The following NDRG3 variants were observed in gnomAD, a reference collection of about 807,000 sequenced individuals.
The protein encoded by NDRG3 is protein NDRG3.
In NDRG3, 23 loss-of-function variants were observed where a neutral mutation model predicts 57.2. That is an observed-to-expected ratio of 0.40 (90% CI 0.29 to 0.57). NDRG3 has a LOEUF of 0.57. NDRG3 is among the 20% of genes least tolerant of loss of function. NDRG3 has a pLI of 0.42. For synonymous variants in NDRG3, 132 were observed against 162.6 expected (o/e 0.81, Z 1.43); for missense variants, 384 against 457.3 (o/e 0.84, Z 1.46).
At chr20:36,697,418 T>C (rs1982883801) in intron 3 of NDRG3, among the ~76,000 whole-genome samples, 1 of 151,998 alleles carries the variant, frequency 6.6e-6, no homozygotes. Context: ...CATTAAAATC[T>C]GTTCAGGGCC....
At chr20:36,702,357 C>T (rs543723410) in intron 3 of NDRG3, among the ~76,000 whole-genome samples, 9 of 152,152 alleles carry the variant, frequency 5.9e-5, no homozygotes, top group African/African-American at 1.7e-4. Context: ...AGGATGGTCT[C>T]GATCTCCTGA....
chr20:36,699,483 C>T (rs1983063728), intron 3 of NDRG3, among the ~76,000 whole-genome samples: 1 of 152,132 alleles, frequency 6.6e-6, no homozygotes, highest in Non-Finnish European at 1.5e-5. Context: ...TTAAAGAGAG[C>T]GTCCGACAAC....
At chr20:36,660,612 G>C (rs1345452795) in intron 12 of NDRG3, among the ~76,000 whole-genome samples, 2 of 150,940 alleles carry the variant, frequency 1.3e-5, no homozygotes, top group Non-Finnish European at 2.9e-5. Context: ...CCAGGCTGGA[G>C]TGCAGTGGCG....
At chr20:36,656,573 T>A in intron 13 of NDRG3, 41 bp from the exon 14 acceptor site, 2 of 1,611,254 alleles carry the variant, frequency 1.2e-6, no homozygotes, top group Non-Finnish European at 1.7e-6. Flanking sequence ...GGACTTACCC[T>A]TAAGAGAATT....
intron 3 of NDRG3, among the ~76,000 whole-genome samples, chr20:36,699,164 T>A (rs2148152666): frequency 6.6e-6 from 1 of 152,230 alleles, no homozygotes; most frequent in South Asian, 2.1e-4. Flanking sequence ...CCCAGGCTGG[T>A]CTTGAATTCC....
chr20:36,656,118 G>A (rs1449294992), intron 15 of NDRG3, among the ~76,000 whole-genome samples: 2 of 136,360 alleles, frequency 1.5e-5, no homozygotes, highest in Non-Finnish European at 3.1e-5. Context: ...TGGCAACAGA[G>A]TGAGACTCTG....
chr20:36,740,867 T>C (rs937912836), intron 1 of NDRG3, among the ~76,000 whole-genome samples: 5 of 152,228 alleles, frequency 3.3e-5, no homozygotes, highest in East Asian at 1.9e-4. Flanking sequence ...ATTAGTTTTA[T>C]AGAATTAGCA....
chr20:36,687,355 T>A (rs1398872216), intron 5 of NDRG3, 137 bp downstream of exon 5: 4 of 1,085,816 alleles, frequency 3.7e-6, no homozygotes, highest in Admixed American at 2.6e-5. Context: ...AGAGAAAATA[T>A]GAGGATGGTT....
chr20:36,704,655 A>G (rs1983439589), intron 3 of NDRG3, among the ~76,000 whole-genome samples: 1 of 152,208 alleles, frequency 6.6e-6, no homozygotes, highest in East Asian at 1.9e-4. Flanking sequence ...TATTTATTAA[A>G]AAATAACGTA....
chr20:36,685,941 T>C (rs966505407), intron 5 of NDRG3, among the ~76,000 whole-genome samples: 3 of 152,088 alleles, frequency 2.0e-5, no homozygotes, highest in South Asian at 2.1e-4. Flanking sequence ...GCCCAGGAGG[T>C]TGAGGCTGCA....
At chr20:36,704,820 C>T (rs1236426495) in intron 3 of NDRG3, among the ~76,000 whole-genome samples, 1 of 152,152 alleles carries the variant, frequency 6.6e-6, no homozygotes, top group Non-Finnish European at 1.5e-5. Flanking sequence ...GAGCCTGACC[C>T]TTCCAAGGTG....
chr20:36,712,559 C>CTATATA lies in NDRG3; in HGVS notation c.58-5558_58-5553dup, dbSNP rs1201319236. On this transcript the variant is annotated intron_variant, in intron 2 of 15. Transcript: ENST00000349004. Reference sequence around the variant, plus strand: ...TACTGGCATGTGCCACCATGCCCGGCTATATATATATATATATATATATAT... The same window carrying CTATATA: ...TACTGGCATGTGCCACCATGCCCGGCTATATATATATATATATATATATATATATAT... Among the ~76,000 whole-genome samples the CTATATA allele has an allele frequency of 4.1e-3, 86 of 20,724 alleles. 6 individuals are homozygous for CTATATA. The highest frequency in any genetic ancestry group is 0.011 in the East Asian group (5 of 452). The allele number at this position is 20,724 out of a possible 152,430, so 13.6% of individuals were successfully genotyped here.
At chr20:36,694,898 T>C (rs575376921) in intron 3 of NDRG3, among the ~76,000 whole-genome samples, 2 of 152,036 alleles carry the variant, frequency 1.3e-5, no homozygotes, top group Non-Finnish European at 2.9e-5. Context: ...GCTGGGACCA[T>C]AGATGCATGC....
chr20:36,739,273 C>G (rs1200951774), intron 1 of NDRG3, among the ~76,000 whole-genome samples: 2 of 147,876 alleles, frequency 1.4e-5, no homozygotes, highest in East Asian at 2.0e-4. Flanking sequence ...ATGGTGAAAC[C>G]TCGTCTCTAC....
chr20:36,724,624 T>C (rs764172066), intron 1 of NDRG3, among the ~76,000 whole-genome samples: 1 of 152,210 alleles, frequency 6.6e-6, no homozygotes, highest in Non-Finnish European at 1.5e-5. Flanking sequence ...TTATTTTAAA[T>C]GGCAATTTAA....
intron 1 of NDRG3, among the ~76,000 whole-genome samples, chr20:36,733,736 C>T (rs6101995): frequency 0.13 from 18,963 of 151,554 alleles, 1,325 homozygotes; most frequent in Admixed American, 0.24. Flanking sequence ...CACAGAATGA[C>T]GGCAACAAAC....
intron 3 of NDRG3, among the ~76,000 whole-genome samples, chr20:36,700,137 A>C (rs936349092): frequency 4.0e-5 from 6 of 150,388 alleles, no homozygotes; most frequent in Admixed American, 6.6e-5. Context: ...AAAAAAAAGT[A>C]GATGAAGGAA....
chr20:36,705,033 A>G (rs1380421547), intron 3 of NDRG3, among the ~76,000 whole-genome samples: 2 of 152,142 alleles, frequency 1.3e-5, no homozygotes, highest in African/African-American at 4.8e-5. Flanking sequence ...AAGAAAAACC[A>G]TCTTGGCCAG....
At position 36,665,148 on chromosome 20, in the gene NDRG3, C is replaced by T. The variant is rs867224306; in HGVS notation, c.759-51G>A. The T allele has an allele frequency of 6.8e-6, 11 of 1,609,390 alleles. No individual in the cohort carries two copies. The Middle Eastern group carries it at 1.5e-3, about 218-fold the overall frequency. ...ACTCAGCAAATAGGCACATAAATTC[C>T]ACTGAACACCAAATTAGTCTATGAA... On this transcript the variant is annotated intron_variant, in intron 11 of 15. Transcript: ENST00000349004.
Sources: gnomAD v4.1 joint callset for allele counts (sites outside exome capture counted in the v4.1 genomes callset) on GRCh38, gnomAD v4.1.1 for gene constraint, MANE v1.5 for transcripts, NCBI Gene and HGNC (gene_info 2026-07-23, HGNC 2026-07-21) for gene names.